The following CEP85L variants were observed in gnomAD, a reference collection of about 807,000 sequenced individuals.
CEP85L encodes centrosomal protein of 85 kDa-like.
Under a neutral mutation model 100.3 loss-of-function variants are expected in CEP85L, and 60 were observed. That is an observed-to-expected ratio of 0.60 (90% CI 0.49 to 0.74). The LOEUF is 0.74. CEP85L is among the 30% of genes least tolerant of loss of function. The probability of loss-of-function intolerance (pLI) is 0.00; values close to 1 mark genes in which losing one functional copy is unlikely to be tolerated. For synonymous variants in CEP85L, 319 were observed against 322.7 expected (o/e 0.99, Z 0.12); for missense variants, 973 against 936.2 (o/e 1.04, Z -0.51).
chr6:118,522,082 C>T (rs1404299239), intron 4 of CEP85L, among the ~76,000 whole-genome samples: 1 of 151,948 alleles, frequency 6.6e-6, no homozygotes, highest in East Asian at 1.9e-4. Flanking sequence ...AATTTCAGGC[C>T]GGGCATGGTG....
At chr6:118,591,650 T>C (rs998860444) in intron 2 of CEP85L, among the ~76,000 whole-genome samples, 1 of 152,174 alleles carries the variant, frequency 6.6e-6, no homozygotes, top group African/African-American at 2.4e-5. Context: ...CTAGAGGGTA[T>C]TTAAACCCCA....
chr6:118,560,866 T>G (rs939661891), intron 3 of CEP85L: 1 of 152,386 alleles, frequency 6.6e-6, no homozygotes, highest in Admixed American at 6.5e-5. Context: ...AAGTCTAAAA[T>G]AGTTTACACC....
chr6:118,542,900 C>CAAAAAAAAA (rs71012391), intron 3 of CEP85L, among the ~76,000 whole-genome samples: 7 of 67,156 alleles, frequency 1.0e-4, no homozygotes, highest in Non-Finnish European at 1.2e-4. Flanking sequence ...CAAGTTTTCC[C>CAAAAAAAAA]AAAAAAAAAA....
chr6:118,623,360 C>T (rs1018177795), intron 2 of CEP85L, among the ~76,000 whole-genome samples: 1 of 152,186 alleles, frequency 6.6e-6, no homozygotes, highest in Non-Finnish European at 1.5e-5. Flanking sequence ...TGGGTGGAAG[C>T]CTTCCCCTGC....
rs1173667001 is a variant in CEP85L, at chr6:118,465,363, A to G, written c.*42T>C. ...CATTATGGCTCCATAACACAGCAGC[A>G]TTTAAACAACAGGTCATTATTGCTG... On this transcript the variant is annotated 3_prime_UTR_variant, in exon 13 of 13. Coordinates refer to ENST00000368491, the MANE Select transcript of CEP85L (RefSeq NM_001042475.3). The G allele has an allele frequency of 2.5e-6, 4 of 1,589,162 alleles. No individual in the cohort carries two copies. In the Admixed American group the frequency reaches 5.1e-5, roughly 20 times the overall value.
At chr6:118,572,361 C>A (rs558412088) in intron 2 of CEP85L, among the ~76,000 whole-genome samples, 1 of 149,422 alleles carries the variant, frequency 6.7e-6, no homozygotes, top group East Asian at 2.0e-4. Flanking sequence ...CAAGACCATC[C>A]TGGCCAACAT....
At chr6:118,701,138 T>C (rs541166474) in intron 1 of CEP85L, among the ~76,000 whole-genome samples, 42 of 152,344 alleles carry the variant, frequency 2.8e-4, no homozygotes, top group African/African-American at 8.2e-4. Flanking sequence ...ACGGCATTCA[T>C]TGGACAGCTT....
At chr6:118,640,206 G>C (rs552483762) in intron 1 of CEP85L, among the ~76,000 whole-genome samples, 1 of 152,252 alleles carries the variant, frequency 6.6e-6, no homozygotes, top group African/African-American at 2.4e-5. Flanking sequence ...ATCTAGCTAA[G>C]ATGACAGAAA....
intron 2 of CEP85L, among the ~76,000 whole-genome samples, chr6:118,619,988 T>C (rs932242776): frequency 2.0e-5 from 3 of 152,158 alleles, no homozygotes; most frequent in African/African-American, 4.8e-5. Flanking sequence ...ACTCAGATCA[T>C]GAAGATTGGA....
At chr6:118,516,408 G>C (rs1776281682) in intron 4 of CEP85L, among the ~76,000 whole-genome samples, 1 of 152,152 alleles carries the variant, frequency 6.6e-6, no homozygotes, top group Non-Finnish European at 1.5e-5. Flanking sequence ...ATCCTCTCCA[G>C]CATCTGTTGT....
At chr6:118,641,395 GA>G (rs916721489) in intron 1 of CEP85L, among the ~76,000 whole-genome samples, 220 of 75,134 alleles carry the variant, frequency 2.9e-3, no homozygotes, top group Middle Eastern at 0.023. Context: ...GCTGCTGGAA[GA>G]AAAAAACTTG....
rs71012391 is a variant in CEP85L, at chr6:118,542,900, C to CAAAAAAAAAAAAAAAAAAAAAAAAAA, written c.1021-18981_1021-18980insTTTTTTTTTTTTTTTTTTTTTTTTTT. On this transcript the variant is annotated intron_variant, in intron 3 of 12. Transcript: ENST00000368491. ...GAACTTCAACATCACCAAGTTTTCC[C>CAAAAAAAAAAAAAAAAAAAAAAAAAA]AAAAAAAAAAAAAAAAAAAAAAACA... is the stretch of plus-strand genomic sequence containing the variant. 4.6e-4 allele frequency among the ~76,000 whole-genome samples: 31 copies of CAAAAAAAAAAAAAAAAAAAAAAAAAA among 67,160 alleles called. 1 individual carries two copies. The highest frequency in any genetic ancestry group is 5.5e-4 in the African/African-American group (10 of 18,234). 44.1% of individuals were successfully genotyped at this position (67,160 alleles called of 152,430 possible).
chr6:118,703,548 T>C (rs1261126582), intron 1 of CEP85L, among the ~76,000 whole-genome samples: 1 of 152,222 alleles, frequency 6.6e-6, no homozygotes, highest in Non-Finnish European at 1.5e-5. Context: ...CTCAGTCCTA[T>C]TTTATATGCA....
At chr6:118,520,833 T>C (rs983067143) in intron 4 of CEP85L, among the ~76,000 whole-genome samples, 19 of 152,230 alleles carry the variant, frequency 1.2e-4, no homozygotes, top group Admixed American at 7.2e-4. Flanking sequence ...GGTCAAGCAC[T>C]ACTCAATCAC....
At chr6:118,517,712 A>G (rs1008986147) in intron 4 of CEP85L, among the ~76,000 whole-genome samples, 1 of 152,138 alleles carries the variant, frequency 6.6e-6, no homozygotes, top group African/African-American at 2.4e-5. Context: ...CTCTCTTCCT[A>G]TCTGAATACT....
chr6:118,534,042 C>T (rs1777445586), intron 3 of CEP85L, among the ~76,000 whole-genome samples: 2 of 151,752 alleles, frequency 1.3e-5, no homozygotes, highest in South Asian at 4.2e-4. Flanking sequence ...TTACAGTGAG[C>T]TGAGATCTGA....
intron 1 of CEP85L, among the ~76,000 whole-genome samples, chr6:118,709,110 C>T (rs565490870): frequency 6.6e-5 from 10 of 151,974 alleles, no homozygotes; most frequent in African/African-American, 9.7e-5. Context: ...CACATCAAGA[C>T]GAAGGCACAT....
intron 3 of CEP85L, among the ~76,000 whole-genome samples, chr6:118,542,900 C>CAAAAAAAAAAAAAAGAA (rs1777976384): frequency 1.5e-5 from 1 of 67,136 alleles, no homozygotes; most frequent in Non-Finnish European, 2.9e-5. Flanking sequence ...CAAGTTTTCC[C>CAAAAAAAAAAAAAAGAA]AAAAAAAAAA....
intron 5 of CEP85L, among the ~76,000 whole-genome samples, chr6:118,493,913 T>C (rs1012823946): frequency 6.6e-5 from 10 of 152,140 alleles, no homozygotes; most frequent in Middle Eastern, 3.4e-3. Context: ...AAAAAGCTAA[T>C]ACAGACTTCC....
Sources: gnomAD v4.1 joint callset for allele counts (sites outside exome capture counted in the v4.1 genomes callset) on GRCh38, gnomAD v4.1.1 for gene constraint, MANE v1.5 for transcripts, NCBI Gene and HGNC (gene_info 2026-07-23, HGNC 2026-07-21) for gene names.